FGD4: variants seen among roughly 807,000 people sequenced by gnomAD.
FGD4 encodes FYVE, RhoGEF and PH domain-containing protein 4.
A neutral mutation model predicts 102.0 loss-of-function variants in FGD4; 42 were observed. The observed-to-expected ratio is 0.41, with a 90% CI of 0.32 to 0.53. The LOEUF (loss-of-function observed/expected upper bound fraction) is 0.53, where lower values mean the gene tolerates loss of function less well. FGD4 is among the 20% of genes least tolerant of loss of function. The probability of loss-of-function intolerance (pLI) is 0.21; values close to 1 mark genes in which losing one functional copy is unlikely to be tolerated. For synonymous variants in FGD4, 380 were observed against 375.7 expected, an observed-to-expected ratio of 1.01 and a Z score of -0.13; for missense variants, 902 against 1,078.2, an observed-to-expected ratio of 0.84 and a Z score of 2.29.
At chr12:32,511,139 G>A (rs1565788162) in intron 1 of FGD4, 1 of 152,222 alleles carries the variant, frequency 6.6e-6, no homozygotes, top group Admixed American at 6.5e-5. Flanking sequence ...TAACCAAATT[G>A]CTTGCCAAAT....
Position 32,602,218 on chromosome 12 carries a change from G to A in FGD4, c.1305G>A (p.Met435Ile). 1 of 1,614,096 alleles carries A rather than the reference G, an allele frequency of 6.2e-7. No individual in the cohort carries two copies. Among genetic ancestry groups the A allele is most frequent in the Non-Finnish European group, 8.5e-7 (1 of 1,179,964 alleles). Residue 435 changes from methionine to isoleucine, a missense_variant, in exon 7 of 17, where the codon ATG (methionine) becomes ATA (isoleucine). Met to Ile is a conservative substitution (Grantham distance 10). Around this residue, in one of 2 missense-constraint regions of FGD4, gnomAD observed 459 missense variants for 619.0 expected, o/e 0.74. Coordinates refer to ENST00000534526, the MANE Select transcript of FGD4 (RefSeq NM_001370298.3). ...AGAAATTGGCACCATTCCTTAAGAT[G>A]TATGGAGAATATGTGAAAGGATTTG... ...ILQKLAPFLK[M>I]YGEYVKGFDN... is the part of the protein sequence containing the mutation.
intron 8 of FGD4, among the ~76,000 whole-genome samples, chr12:32,610,260 T>G (rs1178201351): frequency 6.6e-6 from 1 of 152,230 alleles, no homozygotes; most frequent in African/African-American, 2.4e-5. Context: ...GCTAAAATAC[T>G]TAATGGTTTA....
At chr12:32,635,347 G>C (rs537582446) in intron 15 of FGD4, among the ~76,000 whole-genome samples, 2 of 152,110 alleles carry the variant, frequency 1.3e-5, no homozygotes, top group Non-Finnish European at 2.9e-5. Context: ...GCTTCAGGCC[G>C]TATCTCTGAA....
chr12:32,475,128 C>T (rs1220414699), intron 1 of FGD4, among the ~76,000 whole-genome samples: 1 of 152,142 alleles, frequency 6.6e-6, no homozygotes, highest in Non-Finnish European at 1.5e-5. Flanking sequence ...ACCTGGGTGC[C>T]TCTCTTTGGC....
At chr12:32,502,217 T>G (rs1938274356) in intron 1 of FGD4, 1 of 985,502 alleles carries the variant, frequency 1.0e-6, no homozygotes, top group Non-Finnish European at 1.2e-6. Context: ...TGGGTGAGAT[T>G]ATCTGCAATG....
chr12:32,583,153 A>G (rs1032386524), intron 4 of FGD4, among the ~76,000 whole-genome samples: 1 of 152,186 alleles, frequency 6.6e-6, no homozygotes, highest in African/African-American at 2.4e-5. Flanking sequence ...TCTGGGCAAC[A>G]TGGTGAGAGC....
At chr12:32,615,135 A>C (rs1949371423) in intron 10 of FGD4, among the ~76,000 whole-genome samples, 1 of 152,182 alleles carries the variant, frequency 6.6e-6, no homozygotes, top group Non-Finnish European at 1.5e-5. Context: ...GAAATAGTAT[A>C]TGTCGAGAAA....
At chr12:32,472,409 C>CG (rs59480315) in intron 1 of FGD4, among the ~76,000 whole-genome samples, 23,303 of 145,372 alleles carry the variant, frequency 0.16, 3,955 homozygotes, top group African/African-American at 0.41. Context: ...CTGCTGGCCC[C>CG]GGGCAATGGG....
rs549824560 is a variant in FGD4 at position 32,462,521 on chromosome 12, TTGTA to T, written c.166+62566_166+62569del. 1.1e-3 allele frequency among the ~76,000 whole-genome samples: 168 copies of T among 152,220 alleles called. 1 individual carries two copies. Among genetic ancestry groups the T allele is most frequent in the Middle Eastern group, 3.4e-3 (1 of 294 alleles). ...ACTGTGTGTATGTGTGTGAGTGTGC[TTGTA>T]TGTGTGTTTGAAATAAAATTTTTCA... On this transcript the variant is annotated intron_variant, in intron 1 of 16. Coordinates refer to ENST00000534526, the MANE Select transcript of FGD4 (RefSeq NM_001370298.3).
At chr12:32,551,684 G>A (rs1475324049) in intron 1 of FGD4, among the ~76,000 whole-genome samples, 1 of 152,186 alleles carries the variant, frequency 6.6e-6, no homozygotes, top group Non-Finnish European at 1.5e-5. Context: ...TAGGGATCAA[G>A]GAAAGTTGCC....
chr12:32,408,926 T>C lies in FGD4; in HGVS notation c.166+8967T>C, dbSNP rs568472949. On this transcript the variant is annotated intron_variant, in intron 1 of 16. Coordinates refer to ENST00000534526, the MANE Select transcript of FGD4 (RefSeq NM_001370298.3). ...ATTTTCTCCTTTCTCCTCGTCTTCA[T>C]TGGGGGTCCCATCTGCCCTCTGGGA... 6.6e-5 allele frequency among the ~76,000 whole-genome samples: 10 copies of C among 152,314 alleles called. 1 individual carries two copies. The highest frequency in any genetic ancestry group is 1.7e-4 in the African/African-American group (7 of 41,560).
Position 32,619,823 on chromosome 12 carries a change from T to C in FGD4, c.1875T>C (p.His625=), listed in dbSNP as rs1397017640. ...IVETQNEEYP[H]TFQVSGKERT... ...AGACTCAAAATGAAGAATATCCACA[T>C]ACTTTCCAGGTGTCTGGGAAAGAGA... Residue 625 remains histidine, a synonymous_variant, in exon 11 of 17, where the codon CAT becomes CAC. Transcript: ENST00000534526. The C allele has an allele frequency of 2.5e-6, 4 of 1,614,164 alleles. No homozygotes were observed. Among genetic ancestry groups the C allele is most frequent in the Non-Finnish European group, 3.4e-6 (4 of 1,180,026 alleles).
chr12:32,423,954 C>T (rs1242566325), intron 1 of FGD4, among the ~76,000 whole-genome samples: 1 of 151,666 alleles, frequency 6.6e-6, no homozygotes, highest in African/African-American at 2.4e-5. Context: ...CTAAATTCCA[C>T]ACATAAGCTG....
intron 1 of FGD4, among the ~76,000 whole-genome samples, chr12:32,560,815 C>G (rs1448858113): frequency 2.0e-5 from 3 of 151,868 alleles, no homozygotes; most frequent in Admixed American, 6.6e-5. Context: ...ACCTCAACCT[C>G]CCCAGTAGCT....
chr12:32,568,834 G>A (rs529427329), intron 2 of FGD4, among the ~76,000 whole-genome samples: 1 of 152,036 alleles, frequency 6.6e-6, no homozygotes, highest in African/African-American at 2.4e-5. Flanking sequence ...ACTTAAACTG[G>A]CAATTGGTTT....
In FGD4 at chr12:32,641,202, A is replaced by G. The variant is rs1951139582; in HGVS notation, c.*669A>G. The G allele has an allele frequency of 6.6e-6, 1 of 152,014 alleles. No individual in the cohort carries two copies. Among genetic ancestry groups the G allele is most frequent in the African/African-American group, 2.4e-5 (1 of 41,398 alleles). 9.4% of individuals were successfully genotyped at this position (152,014 alleles called of 1,614,324 possible). A position where few individuals can be genotyped will look rare whatever the true frequency, so the allele number is the denominator to read the frequency against. Reference sequence around the variant, plus strand: ...GCTTTTAGGTTCACATTCATCTCTAATTTATTTTTTAAATATAAAGCATGG... The same window carrying G: ...GCTTTTAGGTTCACATTCATCTCTAGTTTATTTTTTAAATATAAAGCATGG... On this transcript the variant is annotated 3_prime_UTR_variant, in exon 17 of 17. Transcript: ENST00000534526.
At chr12:32,473,304 C>T (rs544179787) in intron 1 of FGD4, among the ~76,000 whole-genome samples, 4 of 151,900 alleles carry the variant, frequency 2.6e-5, no homozygotes, top group Admixed American at 6.6e-5. Flanking sequence ...TGCAATAACT[C>T]TTGCTACTGC....
At chr12:32,471,513 G>A (rs1193669104) in intron 1 of FGD4, among the ~76,000 whole-genome samples, 1 of 152,170 alleles carries the variant, frequency 6.6e-6, no homozygotes, top group Non-Finnish European at 1.5e-5. Context: ...GAAAGAAAAG[G>A]TTTATTCCAC....
intron 1 of FGD4, among the ~76,000 whole-genome samples, chr12:32,472,451 G>A (rs1051440859): frequency 2.0e-5 from 3 of 152,202 alleles, no homozygotes; most frequent in African/African-American, 7.2e-5. Context: ...GGCTGCGGAG[G>A]GTGTACTGGG....
Sources: gnomAD v4.1 joint callset for allele counts (sites outside exome capture counted in the v4.1 genomes callset) on GRCh38, gnomAD v4.1.1 for gene constraint, gnomAD v4.1.1 regional missense constraint, MANE v1.5 for transcripts, NCBI Gene and HGNC (gene_info 2026-07-23, HGNC 2026-07-21) for gene names.